NMNAT3: variants seen among roughly 807,000 people sequenced by gnomAD.
NMNAT3 encodes nicotinamide/nicotinic acid mononucleotide adenylyltransferase 3.
A neutral mutation model predicts 24.8 loss-of-function variants in NMNAT3; 21 were observed. The observed-to-expected ratio is 0.85, with a 90% confidence interval of 0.60 to 1.22. The LOEUF is 1.22. NMNAT3 is among the 50% of genes most tolerant of loss of function. The pLI is 0.00. For missense variants in NMNAT3, 387 were observed against 436.6 expected (o/e 0.89, Z 1.01); for synonymous variants, 136 against 155.2 (o/e 0.88, Z 0.92).
chr3:139,634,774 G>A (rs1044516855), intron 2 of NMNAT3, 127 bp from the exon 3 acceptor site: 1 of 152,194 alleles, frequency 6.6e-6, no homozygotes, highest in African/African-American at 2.4e-5. Flanking sequence ...CGTGGAATGA[G>A]ATCTCTTGCA....
At chr3:139,609,837 C>T (rs2055122901) in intron 3 of NMNAT3, 1 of 152,236 alleles carries the variant, frequency 6.6e-6, no homozygotes, top group Non-Finnish European at 1.5e-5. Context: ...GGTCACCATA[C>T]TGATGCAGAA....
At chr3:139,591,293 T>C (rs561772791) in intron 3 of NMNAT3, among the ~76,000 whole-genome samples, 3 of 152,014 alleles carry the variant, frequency 2.0e-5, no homozygotes, top group African/African-American at 7.2e-5. Flanking sequence ...CGAGACTATA[T>C]CCCACACCTG....
At chr3:139,628,645 C>T (rs2056160303) in intron 2 of NMNAT3, among the ~76,000 whole-genome samples, 2 of 152,128 alleles carry the variant, frequency 1.3e-5, no homozygotes, top group African/African-American at 4.8e-5. Flanking sequence ...GGAAACAGCC[C>T]AGGCTCCAGG....
At chr3:139,579,824 C>T (rs1939903733) in intron 4 of NMNAT3, among the ~76,000 whole-genome samples, 1 of 152,180 alleles carries the variant, frequency 6.6e-6, no homozygotes. Context: ...AGAGTGCCTG[C>T]CATAAATGAA....
At chr3:139,674,603 G>A (rs1216019001) in intron 1 of NMNAT3, among the ~76,000 whole-genome samples, 1 of 152,200 alleles carries the variant, frequency 6.6e-6, no homozygotes, top group Non-Finnish European at 1.5e-5. Context: ...AATTTTGCAG[G>A]TTTTTTTCTT....
In NMNAT3 at chr3:139,626,737, A is replaced by G. The variant is rs377543835; in HGVS notation, c.109+879T>C. 1.1e-4 allele frequency among the ~76,000 whole-genome samples: 16 copies of G among 152,270 alleles called. No homozygotes were observed. The East Asian group carries it at 2.7e-3, about 26-fold the overall frequency. The stretch of plus-strand genomic sequence containing the variant: ...TTTTCAATAAAAATATGTTTCTAAA[A>G]TAAAGACATTTCCTTTAAAATGAAC... On this transcript the variant is annotated intron_variant, in intron 3 of 6. Coordinates refer to ENST00000643695, the MANE Select transcript of NMNAT3 (RefSeq NM_001320510.2).
intron 1 of NMNAT3, among the ~76,000 whole-genome samples, chr3:139,648,525 G>T (rs2056946306): frequency 6.6e-6 from 1 of 152,214 alleles, no homozygotes; most frequent in South Asian, 2.1e-4. Context: ...GTATGAAGGG[G>T]CAGGTAATTA....
intron 1 of NMNAT3, among the ~76,000 whole-genome samples, chr3:139,666,433 C>T (rs2108442717): frequency 6.6e-6 from 1 of 152,272 alleles, no homozygotes; most frequent in East Asian, 1.9e-4. Flanking sequence ...TTGTCAGCCA[C>T]TGAGTGAGAA....
chr3:139,632,711 G>A lies in NMNAT3; in HGVS notation c.-40-4947C>T, dbSNP rs551940510. Among the ~76,000 whole-genome samples the A allele has an allele frequency of 2.6e-5, 4 of 152,322 alleles. No homozygotes were observed. In the South Asian group the frequency reaches 8.3e-4, roughly 32 times the overall value. ...CCTCAAAGAGCTTCCAGTCATCTATGGGAAGGACAATTCAATAGGCAATAA... is the reference window on the plus strand; with the variant it reads ...CCTCAAAGAGCTTCCAGTCATCTATAGGAAGGACAATTCAATAGGCAATAA... On this transcript the variant is annotated intron_variant, in intron 2 of 6. Transcript: ENST00000643695.
chr3:139,578,898 C>T lies in NMNAT3; in HGVS notation c.549G>A (p.Gln183=). The T allele has an allele frequency of 6.2e-7, 1 of 1,614,178 alleles. No individual in the cohort carries two copies. ...TCAGCACCTTCACTGTCTCCATCCA[C>T]TGTGCCTGCTCACTCTCCCAAGGGT... Residue 183 remains glutamine, a synonymous_variant, in exon 5 of 7, where the codon CAG becomes CAA. Coordinates refer to ENST00000643695, the MANE Select transcript of NMNAT3 (RefSeq NM_001320510.2).
chr3:139,596,600 C>T (rs1184993015), intron 3 of NMNAT3, among the ~76,000 whole-genome samples: 1 of 152,024 alleles, frequency 6.6e-6, no homozygotes, highest in Admixed American at 6.6e-5. Context: ...AAAACAATTA[C>T]CTTTTGATAT....
chr3:139,654,078 A>G (rs1007871094), intron 1 of NMNAT3, among the ~76,000 whole-genome samples: 1 of 152,132 alleles, frequency 6.6e-6, no homozygotes, highest in Non-Finnish European at 1.5e-5. Context: ...CATGCTCACT[A>G]TGTCTTATGA....
chr3:139,653,779 C>T (rs948968967), intron 1 of NMNAT3, among the ~76,000 whole-genome samples: 10 of 152,216 alleles, frequency 6.6e-5, no homozygotes, highest in African/African-American at 2.2e-4. Context: ...AGACTTTCTT[C>T]CCCTACTTCC....
At chr3:139,590,004 G>T (rs771700248) in intron 3 of NMNAT3, among the ~76,000 whole-genome samples, 1 of 152,160 alleles carries the variant, frequency 6.6e-6, no homozygotes, top group Non-Finnish European at 1.5e-5. Flanking sequence ...AGAATCCCCA[G>T]GGAGACAGTG....
At chr3:139,564,958 G>T (rs1193932672) in intron 6 of NMNAT3, among the ~76,000 whole-genome samples, 2 of 152,172 alleles carry the variant, frequency 1.3e-5, no homozygotes, top group Non-Finnish European at 2.9e-5. Flanking sequence ...AGTTTTTAGT[G>T]TATTTCCTTA....
intron 3 of NMNAT3, among the ~76,000 whole-genome samples, chr3:139,620,957 C>T (rs1429214466): frequency 6.6e-6 from 1 of 152,128 alleles, no homozygotes; most frequent in Non-Finnish European, 1.5e-5. Flanking sequence ...CAATGCTTGG[C>T]TATTTTTTTT....
At position 139,560,961 on chromosome 3, in the gene NMNAT3, C is replaced by T; in HGVS notation, c.*49G>A. The T allele has an allele frequency of 6.4e-7, 1 of 1,567,988 alleles. No homozygotes were observed. Among genetic ancestry groups the T allele is most frequent in the Non-Finnish European group, 8.7e-7 (1 of 1,154,708 alleles). On this transcript the variant is annotated 3_prime_UTR_variant, in exon 7 of 7. Transcript: ENST00000643695. ...AAAACAGAAACCTTAACAGCCCTCT[C>T]CCCAGCAGGAGCTTGTTGGAGGAGG...
intron 1 of NMNAT3, among the ~76,000 whole-genome samples, chr3:139,658,006 C>T (rs2057300298): frequency 6.6e-6 from 1 of 152,006 alleles, no homozygotes; most frequent in East Asian, 1.9e-4. Flanking sequence ...GTGCATGCCC[C>T]AGGAACCCCA....
At chr3:139,592,572 A>G in intron 3 of NMNAT3, among the ~76,000 whole-genome samples, 1 of 152,222 alleles carries the variant, frequency 6.6e-6, no homozygotes, top group East Asian at 1.9e-4. Context: ...CCAGAGAGAA[A>G]GGTTGGGTTA....
Sources: gnomAD v4.1 joint callset for allele counts (sites outside exome capture counted in the v4.1 genomes callset) on GRCh38, gnomAD v4.1.1 for gene constraint, MANE v1.5 for transcripts, NCBI Gene and HGNC (gene_info 2026-07-23, HGNC 2026-07-21) for gene names.